The following COL5A1 variants were observed in gnomAD, a reference collection of about 807,000 sequenced individuals.
The protein encoded by COL5A1 is collagen alpha-1(V) chain.
In COL5A1, 16 loss-of-function variants were observed where a neutral mutation model predicts 263.7. That is an observed-to-expected ratio of 0.06 (90% CI 0.04 to 0.09). The LOEUF (loss-of-function observed/expected upper bound fraction) is 0.09, where lower values mean the gene tolerates loss of function less well. Ranked by LOEUF, COL5A1 falls within the 10% of genes least tolerant of loss-of-function variation. The pLI is 1.00. For missense variants in COL5A1, 2,036 were observed against 2,540.5 expected (o/e 0.80, Z 4.27); for synonymous variants, 1,012 against 1,004.5 (o/e 1.01, Z -0.14).
At chr9:134,801,829 CAA>C in intron 37 of COL5A1, 123 bp from the exon 38 acceptor site, 1 of 867,868 alleles carries the variant, frequency 1.2e-6, no homozygotes, top group Non-Finnish European at 1.9e-6. Context: ...GCCTCTTACA[CAA>C]AGTCTGGAAC....
intron 1 of COL5A1, among the ~76,000 whole-genome samples, chr9:134,666,333 C>T (rs997052173): frequency 3.3e-5 from 5 of 152,316 alleles, no homozygotes; most frequent in South Asian, 2.1e-4. Flanking sequence ...GAAACTGGCA[C>T]GGGGTCCCTG....
intron 2 of COL5A1, among the ~76,000 whole-genome samples, chr9:134,694,933 C>T (rs567565961): frequency 3.9e-5 from 6 of 152,260 alleles, no homozygotes; most frequent in South Asian, 2.1e-4. Flanking sequence ...ACTGGGGGCC[C>T]GGGATGGTGT....
chr9:134,745,183 T>C (rs1409634619), intron 11 of COL5A1, among the ~76,000 whole-genome samples: 3 of 152,210 alleles, frequency 2.0e-5, no homozygotes, highest in Non-Finnish European at 4.4e-5. Flanking sequence ...CTGGAGGCAG[T>C]GTGTGTCTCC....
At chr9:134,739,864 G>C (rs893762029) in intron 11 of COL5A1, among the ~76,000 whole-genome samples, 1 of 152,192 alleles carries the variant, frequency 6.6e-6, no homozygotes, top group Non-Finnish European at 1.5e-5. Context: ...AGCCAGTGGG[G>C]ATGCTTGCTT....
Position 134,681,555 on chromosome 9 carries a change from G to A in COL5A1, c.110-9357G>A, listed in dbSNP as rs148912409. Among the ~76,000 whole-genome samples, 2 of 152,268 alleles carry A rather than the reference G, an allele frequency of 1.3e-5. No individual in the cohort carries two copies. Among genetic ancestry groups the A allele is most frequent in the Non-Finnish European group, 1.5e-5 (1 of 68,010 alleles). ...GAGGCCAGCGTGTGCCTGTGGTTTC[G>A]GGAGCCTGTCACTGGCTCCAGAGTG... is the stretch of plus-strand genomic sequence containing the variant. On this transcript the variant is annotated intron_variant, in intron 1 of 65. Transcript: ENST00000371817. This position sits in a 1 kb window ranked among gnomAD's most constrained non-coding sequence, Gnocchi z 4.3.
chr9:134,744,509 TCATGCACACCCCCATA>T (rs1383875962), intron 11 of COL5A1, among the ~76,000 whole-genome samples: 1 of 138,558 alleles, frequency 7.2e-6, no homozygotes. Context: ...CTGCACACAC[TCATGCACACCCCCATA>T]CATGCACACT....
At chr9:134,805,339 AG>A (rs1209364154) in intron 41 of COL5A1, 125 bp downstream of exon 41, 10 of 1,166,036 alleles carry the variant, frequency 8.6e-6, no homozygotes, top group African/African-American at 4.5e-5. Flanking sequence ...GAGGATGTGG[AG>A]GGGGGAAAAT....
chr9:134,783,286 T>C (rs555515581), intron 29 of COL5A1, among the ~76,000 whole-genome samples: 1 of 152,362 alleles, frequency 6.6e-6, no homozygotes, highest in African/African-American at 2.4e-5. Flanking sequence ...TCAGGAGACC[T>C]GGCTTATTTT....
chr9:134,823,269 A>G lies in COL5A1; in HGVS notation c.4645-147A>G, dbSNP rs1839097481. 3 of 1,030,714 alleles carry G rather than the reference A, an allele frequency of 2.9e-6. No homozygotes were observed. In the Admixed American group the frequency reaches 5.1e-5, roughly 17 times the overall value. The allele number at this position is 1,030,714 out of a possible 1,614,324, so 63.8% of individuals were successfully genotyped here. A position where few individuals can be genotyped will look rare whatever the true frequency, so the allele number is the denominator to read the frequency against. Reference sequence around the variant, plus strand: ...TCATCTCAAGGATCCAGGAGGGTACAGGGGTCTCTGCCATTCTCTTCTCTG... The same window carrying G: ...TCATCTCAAGGATCCAGGAGGGTACGGGGGTCTCTGCCATTCTCTTCTCTG... On this transcript the variant is annotated intron_variant, in intron 60 of 65. Coordinates refer to ENST00000371817, the MANE Select transcript of COL5A1 (RefSeq NM_000093.5).
chr9:134,729,456 AGT>A (rs1020932876), intron 6 of COL5A1, among the ~76,000 whole-genome samples: 13 of 150,452 alleles, frequency 8.6e-5, no homozygotes, highest in African/African-American at 3.2e-4. Flanking sequence ...TGCATGAACG[AGT>A]GTGTGTGAGC....
chr9:134,753,864 C>T lies in COL5A1; in HGVS notation c.1734C>T (p.Ser578=), dbSNP rs148094039. 9.9e-6 allele frequency: 16 copies of T among 1,612,270 alleles called. No individual in the cohort carries two copies. The highest frequency in any genetic ancestry group is 2.7e-5 in the African/African-American group (2 of 74,502). The stretch of plus-strand genomic sequence containing the variant: ...TGTCTCCCTAGGGTCCCCCTGGGAG[C>T]GGAGGTTTGAAGGGCGAGCCGGGAG... ...GRPGPVGPPG[S]GGLKGEPGDV... Residue 578 remains serine, a synonymous_variant, in exon 15 of 66, where the codon AGC becomes AGT. Coordinates refer to ENST00000371817, the MANE Select transcript of COL5A1 (RefSeq NM_000093.5).
intron 28 of COL5A1, 85 bp downstream of exon 28, chr9:134,780,231 C>G: frequency 7.6e-7 from 1 of 1,311,928 alleles, no homozygotes; most frequent in East Asian, 2.3e-5. Flanking sequence ...AATGCTTCTT[C>G]CATGAAACCA....
At chr9:134,837,860 G>A (rs1264175403) in intron 65 of COL5A1, among the ~76,000 whole-genome samples, 1 of 152,190 alleles carries the variant, frequency 6.6e-6, no homozygotes, top group African/African-American at 2.4e-5. Flanking sequence ...GGCCCAGAGA[G>A]TTACGGCGAC....
intron 18 of COL5A1, among the ~76,000 whole-genome samples, chr9:134,759,925 GCA>G (rs1309130140): frequency 7.4e-5 from 6 of 80,572 alleles, no homozygotes; most frequent in Admixed American, 3.6e-4. Flanking sequence ...ACTCATACAT[GCA>G]CACACACGCA....
At chr9:134,772,929 G>T in intron 26 of COL5A1, 95 bp downstream of exon 26, 1 of 1,312,774 alleles carries the variant, frequency 7.6e-7, no homozygotes, top group South Asian at 1.2e-5. Context: ...ATCCAGCTTG[G>T]AAAGGAAGGA....
chr9:134,833,806 G>A (rs1233419578), intron 64 of COL5A1, among the ~76,000 whole-genome samples: 1 of 152,238 alleles, frequency 6.6e-6, no homozygotes, highest in African/African-American at 2.4e-5. Context: ...GCAGATGGTC[G>A]TTTGTTCACA....
chr9:134,819,253 C>A (rs148353150), intron 57 of COL5A1, among the ~76,000 whole-genome samples, 200 bp downstream of exon 57: 1 of 152,240 alleles, frequency 6.6e-6, no homozygotes, highest in South Asian at 2.1e-4. Flanking sequence ...TCTGGGGGGT[C>A]CTGAGCAGCT....
intron 53 of COL5A1, among the ~76,000 whole-genome samples, chr9:134,817,437 T>A (rs4373595): frequency 6.6e-6 from 1 of 152,228 alleles, no homozygotes; most frequent in Admixed American, 6.5e-5. Context: ...AGCCACTTGC[T>A]GGTGGGGCAG....
rs117806494 is a variant in COL5A1 at position 134,652,385 on chromosome 9, C to T, written c.109+10089C>T. ...AAGGAGATGCCCCAGGTGGAGCCAT[C>T]GGGAGAGGGAGAGGGGGTGGGAGGG... On this transcript the variant is annotated intron_variant, in intron 1 of 65. Transcript: ENST00000371817. The surrounding 1 kb of genome is among the most constrained non-coding windows in gnomAD (Gnocchi z 4.4). Among the ~76,000 whole-genome samples, 2,569 of 69,308 alleles carry T rather than the reference C, an allele frequency of 0.037. 36 individuals are homozygous for T. The highest frequency in any genetic ancestry group is 0.072 in the Admixed American group (318 of 4,438). 45.5% of individuals were successfully genotyped at this position (69,308 alleles called of 152,430 possible). A position where few individuals can be genotyped will look rare whatever the true frequency, so the allele number is the denominator to read the frequency against.
Sources: allele counts gnomAD v4.1 joint callset (sites outside exome capture counted in the v4.1 genomes callset), GRCh38; gene constraint gnomAD v4.1.1; non-coding constraint Gnocchi (gnomAD v3.1); transcripts MANE v1.5; gene names NCBI Gene and HGNC (gene_info 2026-07-23, HGNC 2026-07-21).